Variants in DOCK9 observed in about 807,000 individuals in gnomAD.
DOCK9 encodes the protein dedicator of cytokinesis protein 9.
In DOCK9, 89 loss-of-function variants were observed where a neutral mutation model predicts 263.3. That is an observed-to-expected ratio of 0.34 (90% confidence interval 0.28 to 0.40). The LOEUF is 0.40. Ranked by LOEUF, DOCK9 falls within the 10% of genes least tolerant of loss-of-function variation. DOCK9 has a pLI of 1.00. For missense variants in DOCK9, 2,140 were observed against 2,603.4 expected (o/e 0.82, Z 3.87); for synonymous variants, 976 against 973.1 (o/e 1.00, Z -0.06).
At chr13:98,853,373 A>T in intron 35 of DOCK9, 35 bp downstream of exon 35, 1 of 1,423,834 alleles carries the variant, frequency 7.0e-7, no homozygotes, top group Non-Finnish European at 9.8e-7. Context: ...AAGTGCTGAA[A>T]CGAGCAAAAC....
At position 98,888,516 on chromosome 13, in the gene DOCK9, T is replaced by A. The variant is rs771198016; in HGVS notation, c.1821A>T (p.Lys607Asn). The stretch of plus-strand genomic sequence containing the variant: ...GAGTTTTACTGCAGGTTTCAAATTG[T>A]TTTGTGGGAATGTATGATGAATTAA... ...NYVNSSYIPTKQFETCSKTPI... is the reference protein window; with the variant it reads ...NYVNSSYIPTNQFETCSKTPI... The change falls in exon 17 of 53, where the codon AAA (lysine) becomes AAT (asparagine). Residue 607 changes from lysine (K) to asparagine (N), a missense_variant. Lys to Asn is a moderately conservative substitution (Grantham distance 94). This residue lies in a region of DOCK9 where 1,521 missense variants were observed against 1,741.7 expected (regional missense o/e 0.87). Transcript: ENST00000682017. The A allele has an allele frequency of 1.2e-6, 2 of 1,613,982 alleles. No homozygotes were observed. Among genetic ancestry groups the A allele is most frequent in the South Asian group, 2.2e-5 (2 of 91,074 alleles).
rs199618418 is a variant in DOCK9, at chr13:98,794,305, CT to C, written c.*320del. The C allele has an allele frequency of 4.8e-5, 13 of 270,012 alleles. No individual in the cohort carries two copies. The highest frequency in any genetic ancestry group is 2.0e-4 in the East Asian group (3 of 15,364). 16.7% of individuals were successfully genotyped at this position (270,012 alleles called of 1,614,324 possible). A position where few individuals can be genotyped will look rare whatever the true frequency, so the allele number is the denominator to read the frequency against. Reference sequence around the variant, plus strand: ...CTCCCTGCCATGTAGATCCCAGAACCTTTTTTTTCTGTAGGCCATCTATTCT... The same window carrying C: ...CTCCCTGCCATGTAGATCCCAGAACCTTTTTTTCTGTAGGCCATCTATTCT... On this transcript the variant is annotated 3_prime_UTR_variant, in exon 53 of 53. Coordinates refer to ENST00000682017, the MANE Select transcript of DOCK9 (RefSeq NM_001366683.2).
At chr13:98,935,685 T>C (rs2054700096) in intron 2 of DOCK9, among the ~76,000 whole-genome samples, 1 of 152,168 alleles carries the variant, frequency 6.6e-6, no homozygotes, top group Admixed American at 6.5e-5. Flanking sequence ...CGAGAATCGC[T>C]TGAACTCAGG....
rs2093933626 is a variant in DOCK9 at position 98,863,466 on chromosome 13, T to C, written c.3369A>G (p.Thr1123=). 2 of 1,614,040 alleles carry C rather than the reference T, an allele frequency of 1.2e-6. No homozygotes were observed. Among genetic ancestry groups the C allele is most frequent in the South Asian group, 1.1e-5 (1 of 91,080 alleles). The change falls in exon 31 of 53, where the codon ACA becomes ACG. Residue 1123 remains threonine (T), a synonymous_variant. Coordinates refer to ENST00000682017, the MANE Select transcript of DOCK9 (RefSeq NM_001366683.2). ...LVGLLLREVG[T]ALQEFREVRL... The stretch of plus-strand genomic sequence containing the variant: ...GGACCTCCCGGAACTCCTGGAGGGC[T>C]GTCCCCACCTCCCTCAGTAACAGTC...
intron 1 of DOCK9, chr13:98,959,486 T>A (rs1464427625): frequency 6.6e-6 from 1 of 152,282 alleles, no homozygotes; most frequent in Admixed American, 6.5e-5. Flanking sequence ...CCGGGACACA[T>A]GACTGACTCC....
chr13:99,031,748 T>C (rs1342008488), intron 1 of DOCK9, among the ~76,000 whole-genome samples: 1 of 152,232 alleles, frequency 6.6e-6, no homozygotes, highest in African/African-American at 2.4e-5. Context: ...ACATAGCCAA[T>C]GTAAAGCTTT....
Position 98,881,542 on chromosome 13 carries a change from A to G in DOCK9, c.2745+16T>C. On this transcript the variant is annotated intron_variant, in intron 25 of 52. Transcript: ENST00000682017. ...AGCCACAGATGTAAGTGATCAGAAC[A>G]GTGTGTTTTACATACCTTAACATAT... 5 of 1,588,386 alleles carry G rather than the reference A, an allele frequency of 3.1e-6. No homozygotes were observed. The highest frequency in any genetic ancestry group is 4.3e-6 in the Non-Finnish European group (5 of 1,166,144).
chr13:98,957,603 C>T (rs1444165076), intron 1 of DOCK9, among the ~76,000 whole-genome samples: 1 of 149,598 alleles, frequency 6.7e-6, no homozygotes, highest in Non-Finnish European at 1.5e-5. Flanking sequence ...ATAAGAATTG[C>T]CCAGAAAATT....
intron 1 of DOCK9, among the ~76,000 whole-genome samples, chr13:99,006,807 C>G (rs1883414340): frequency 6.6e-6 from 1 of 152,060 alleles, no homozygotes; most frequent in African/African-American, 2.4e-5. Flanking sequence ...AAGCAAAAAG[C>G]ATGGTGGGGT....
intron 3 of DOCK9, among the ~76,000 whole-genome samples, chr13:98,929,446 G>A (rs1443538646): frequency 6.6e-6 from 1 of 152,122 alleles, no homozygotes; most frequent in Non-Finnish European, 1.5e-5. Context: ...GGGAGGCTGA[G>A]GCAGGAGAAC....
intron 1 of DOCK9, among the ~76,000 whole-genome samples, chr13:99,050,430 C>G (rs562416493): frequency 6.5e-4 from 99 of 152,330 alleles, no homozygotes; most frequent in African/African-American, 2.2e-3. Context: ...CGCAGTGGCT[C>G]ATGCCTGTAA....
At chr13:99,078,152 G>T (rs138506260) in intron 1 of DOCK9, among the ~76,000 whole-genome samples, 44 of 152,258 alleles carry the variant, frequency 2.9e-4, no homozygotes, top group African/African-American at 1.0e-3. Context: ...GGACAGCCAA[G>T]TAGAAGAGTC....
Position 98,885,023 on chromosome 13 carries a change from G to A in DOCK9, c.2330C>T (p.Ser777Leu), listed in dbSNP as rs775850376. 13 of 1,613,552 alleles carry A rather than the reference G, an allele frequency of 8.1e-6. No individual in the cohort carries two copies. Among genetic ancestry groups the A allele is most frequent in the African/African-American group, 4.0e-5 (3 of 74,870 alleles). ...AAGATAGCCCGAAGGAAGGTTCGCC[G>A]AGACCGGGATGTGCTGCTCGCTTGT... ...VVTSEQHIPV[S>L]ANLPSGYLGY... Residue 777 changes from serine to leucine, a missense_variant, in exon 21 of 53, where the codon TCG (serine) becomes TTG (leucine). This residue lies in a region of DOCK9 where 1,521 missense variants were observed against 1,741.7 expected (regional missense o/e 0.87). Coordinates refer to ENST00000682017, the MANE Select transcript of DOCK9 (RefSeq NM_001366683.2).
At chr13:99,035,819 A>G (rs1887813863) in intron 1 of DOCK9, among the ~76,000 whole-genome samples, 1 of 152,224 alleles carries the variant, frequency 6.6e-6, no homozygotes, top group Non-Finnish European at 1.5e-5. Flanking sequence ...ACTTCTGCGA[A>G]GGTAATTTTT....
At chr13:98,994,832 T>C (rs1261111737) in intron 1 of DOCK9, among the ~76,000 whole-genome samples, 1 of 152,176 alleles carries the variant, frequency 6.6e-6, no homozygotes, top group Non-Finnish European at 1.5e-5. Flanking sequence ...TAAGAACATA[T>C]ATATGGTAAC....
chr13:98,887,077 G>A (rs1444988419), intron 18 of DOCK9, among the ~76,000 whole-genome samples: 3 of 143,900 alleles, frequency 2.1e-5, no homozygotes, highest in Non-Finnish European at 3.0e-5. Context: ...TTTTCTCCAC[G>A]ACTGTTTTTC....
chr13:98,939,667 G>A lies in DOCK9; in HGVS notation c.244-9410C>T, dbSNP rs141909169. Among the ~76,000 whole-genome samples the A allele has an allele frequency of 3.4e-4, 52 of 152,286 alleles. 1 individual carries two copies. The highest frequency in any genetic ancestry group is 1.2e-3 in the African/African-American group (51 of 41,574). On this transcript the variant is annotated intron_variant, in intron 2 of 52. Coordinates refer to ENST00000682017, the MANE Select transcript of DOCK9 (RefSeq NM_001366683.2). ...CCAAAAAGCAAAGCCCAGGAGGTTC[G>A]AGCAAGACTGAGCTCTTCAGGAGCA...
chr13:98,982,879 T>C (rs1259185770), upstream of DOCK9, among the ~76,000 whole-genome samples: 1 of 152,234 alleles, frequency 6.6e-6, no homozygotes, highest in Admixed American at 6.5e-5. Context: ...TAGACGTTTT[T>C]TGAGACGAAG....
At chr13:99,021,878 T>C (rs566837594) in intron 1 of DOCK9, among the ~76,000 whole-genome samples, 1 of 152,152 alleles carries the variant, frequency 6.6e-6, no homozygotes, top group African/African-American at 2.4e-5. Flanking sequence ...GCTTAAAACC[T>C]AGATGACGGG....
Sources: allele counts gnomAD v4.1 joint callset (sites outside exome capture counted in the v4.1 genomes callset), GRCh38; gene constraint gnomAD v4.1.1; regional missense constraint gnomAD v4.1.1; transcripts MANE v1.5; gene names NCBI Gene and HGNC (gene_info 2026-07-23, HGNC 2026-07-21).